The following UNC80 variants were observed in gnomAD, a reference collection of about 807,000 sequenced individuals.
UNC80 encodes the protein unc-80 subunit of NALCN channel complex, also known as protein unc-80 homolog.
In UNC80, 164 loss-of-function variants were observed where a neutral mutation model predicts 384.6. The ratio of observed to expected loss-of-function variants is 0.43; its 90% CI spans 0.38 to 0.49. The LOEUF (loss-of-function observed/expected upper bound fraction) is 0.49, where lower values mean the gene tolerates loss of function less well. Among genes scored for constraint, UNC80 ranks in the 20% least tolerant of loss-of-function variants. UNC80 has a pLI of 0.00. For missense variants in UNC80, 3,330 were observed against 4,143.0 expected, an observed-to-expected ratio of 0.80 and a Z score of 5.39; for synonymous variants, 1,486 against 1,527.8, an observed-to-expected ratio of 0.97 and a Z score of 0.64.
intron 49 of UNC80, 57 bp downstream of exon 49, chr2:209,957,793 C>A: frequency 6.7e-7 from 1 of 1,500,158 alleles, no homozygotes; most frequent in Non-Finnish European, 9.1e-7. Context: ...ACCCGAATGT[C>A]AGCTGTTGAG....
In UNC80 at chr2:209,941,366, C is replaced by A. The variant is rs2091620553; in HGVS notation, c.6792C>A (p.Ile2264=). ...TCAACGTTTTTAACGGGGCTCTGAT[C>A]CTCCACCCGGAAGACAGTGCCCTGC... ...LFLNVFNGAL[I]LHPEDSALLR... Residue 2264 remains isoleucine (I), a synonymous_variant, in exon 44 of 65, where the codon ATC becomes ATA. Transcript: ENST00000673920. 3 of 1,551,296 alleles carry A rather than the reference C, an allele frequency of 1.9e-6. No homozygotes were observed. Among genetic ancestry groups the A allele is most frequent in the African/African-American group, 2.7e-5 (2 of 73,130 alleles).
chr2:209,957,972 T>C (rs777252047), intron 49 of UNC80, among the ~76,000 whole-genome samples: 2 of 152,178 alleles, frequency 1.3e-5, no homozygotes, highest in African/African-American at 2.4e-5. Flanking sequence ...TTTGTTTGCT[T>C]GAGCATTCTA....
chr2:209,921,786 C>T, intron 34 of UNC80, 100 bp downstream of exon 34: 3 of 1,280,372 alleles, frequency 2.3e-6, no homozygotes, highest in Non-Finnish European at 3.2e-6. Flanking sequence ...AGGTGATATG[C>T]CCCCTTCCAT....
chr2:209,937,840 G>T (rs1193630336), intron 42 of UNC80, among the ~76,000 whole-genome samples: 1 of 152,114 alleles, frequency 6.6e-6, no homozygotes, highest in Non-Finnish European at 1.5e-5. Flanking sequence ...CACTCACTTG[G>T]AGTAGTGTAA....
At chr2:209,899,365 C>A (rs1384848107) in intron 28 of UNC80, among the ~76,000 whole-genome samples, 1 of 152,138 alleles carries the variant, frequency 6.6e-6, no homozygotes, top group Non-Finnish European at 1.5e-5. Context: ...GTGTACCACT[C>A]TGAGGCAAGG....
At position 209,817,086 on chromosome 2, in the gene UNC80, C is replaced by A. The variant is rs767633598; in HGVS notation, c.1513C>A (p.Arg505=). ...TTTCTCTGGGCTGGGAGAAGACAGG[C>A]GAGGAATTGAGAAAGGAGGCTGGCA... ...GSFSGLGEDR[R]GIEKGGWQTT... is the part of the protein sequence containing the mutation. The change falls in exon 10 of 65, where the codon CGA becomes AGA. Residue 505 remains arginine (R), a synonymous_variant. Transcript: ENST00000673920. 1.3e-5 allele frequency: 20 copies of A among 1,551,644 alleles called. No homozygotes were observed. Among genetic ancestry groups the A allele is most frequent in the Non-Finnish European group, 1.7e-5 (19 of 1,147,006 alleles).
At chr2:209,968,706 A>G (rs1400059017) in intron 52 of UNC80, 2 of 152,326 alleles carry the variant, frequency 1.3e-5, no homozygotes, top group Admixed American at 6.5e-5. Context: ...AAAGATTTAT[A>G]ACTGTCTCAC....
rs144552287 is a variant in UNC80, at chr2:209,996,878, G to A, written c.*1283G>A. On this transcript the variant is annotated 3_prime_UTR_variant, in exon 65 of 65. Transcript: ENST00000673920. ...CTCATATACATACTTAAATTGGTACGGTGGTGTATGTGTGCGTGCGTGTGT... is the reference window on the plus strand; with the variant it reads ...CTCATATACATACTTAAATTGGTACAGTGGTGTATGTGTGCGTGCGTGTGT... 2.0e-5 allele frequency: 3 copies of A among 152,148 alleles called. No individual in the cohort carries two copies. The highest frequency in any genetic ancestry group is 4.8e-5 in the African/African-American group (2 of 41,520). 9.4% of individuals were successfully genotyped at this position (152,148 alleles called of 1,614,324 possible). A position where few individuals can be genotyped will look rare whatever the true frequency, so the allele number is the denominator to read the frequency against.
At chr2:209,932,732 A>G (rs1428178295) in intron 38 of UNC80, among the ~76,000 whole-genome samples, 4 of 152,176 alleles carry the variant, frequency 2.6e-5, no homozygotes, top group Non-Finnish European at 5.9e-5. Context: ...GGAAGACCCA[A>G]CCCATCATCC....
intron 3 of UNC80, 142 bp from the exon 4 acceptor site, chr2:209,777,116 C>A: frequency 1.0e-6 from 1 of 975,806 alleles, no homozygotes; most frequent in Non-Finnish European, 1.5e-6. Context: ...TAGGGAAGTC[C>A]AAAAAGCAAG....
intron 59 of UNC80, 41 bp downstream of exon 59, chr2:209,978,749 G>A: frequency 6.9e-7 from 1 of 1,454,536 alleles, no homozygotes. Context: ...ACATGGCCTG[G>A]CCATACGAGC....
chr2:209,972,372 C>A, intron 55 of UNC80, 48 bp downstream of exon 55: 1 of 1,539,448 alleles, frequency 6.5e-7, no homozygotes, highest in South Asian at 1.2e-5. Context: ...GTTGTGTTCT[C>A]TTAAATGTCA....
Position 209,997,879 on chromosome 2 carries a change from A to C in UNC80, c.*2284A>C, listed in dbSNP as rs1172785926. ...TGTAATGGCTAAAGTATCTATATGT[A>C]TGTGCATAAAACTGTCACAAGATGT... is the stretch of plus-strand genomic sequence containing the variant. On this transcript the variant is annotated 3_prime_UTR_variant, in exon 65 of 65. Coordinates refer to ENST00000673920, the MANE Select transcript of UNC80 (RefSeq NM_001371986.1). 1 of 152,132 alleles carries C rather than the reference A, an allele frequency of 6.6e-6. No homozygotes were observed. Among genetic ancestry groups the C allele is most frequent in the East Asian group, 1.9e-4 (1 of 5,198 alleles). 9.4% of individuals were successfully genotyped at this position (152,132 alleles called of 1,614,324 possible).
At chr2:209,812,901 T>C (rs1365051613) in intron 7 of UNC80, among the ~76,000 whole-genome samples, 3 of 152,208 alleles carry the variant, frequency 2.0e-5, no homozygotes, top group Admixed American at 2.0e-4. Flanking sequence ...AATTGAATAA[T>C]AGAATCCCAG....
chr2:209,950,189 T>C (rs1009127879), intron 47 of UNC80, among the ~76,000 whole-genome samples: 1 of 152,188 alleles, frequency 6.6e-6, no homozygotes, highest in Non-Finnish European at 1.5e-5. Context: ...AAACTGTAAG[T>C]AATGTGGTTT....
At chr2:209,810,038 A>C (rs2079219045) in intron 7 of UNC80, among the ~76,000 whole-genome samples, 1 of 152,266 alleles carries the variant, frequency 6.6e-6, no homozygotes, top group South Asian at 2.1e-4. Context: ...ACTATGCAAT[A>C]ATCCACCCCC....
chr2:209,914,056 A>G (rs1249094686), intron 31 of UNC80, 116 bp downstream of exon 31: 6 of 1,266,978 alleles, frequency 4.7e-6, no homozygotes, highest in East Asian at 2.6e-5. Flanking sequence ...GTTAATGGCA[A>G]TTGCTATAAC....
Position 209,872,986 on chromosome 2 carries a change from T to A in UNC80, c.3840+16T>A. The A allele has an allele frequency of 6.4e-7, 1 of 1,550,598 alleles. No individual in the cohort carries two copies. The highest frequency in any genetic ancestry group is 8.7e-7 in the Non-Finnish European group (1 of 1,146,012). On this transcript the variant is annotated intron_variant, in intron 23 of 64. Transcript: ENST00000673920. The surrounding 1 kb of genome is among the most constrained non-coding windows in gnomAD (Gnocchi z 4.1). ...ATGGGGAGACGTGAGCTTTCGGTTT[T>A]CTTCTATAACAATTAGGTTGCTTAA...
At chr2:209,871,128 A>G (rs1377776098) in intron 22 of UNC80, among the ~76,000 whole-genome samples, 1 of 152,166 alleles carries the variant, frequency 6.6e-6, no homozygotes, top group Non-Finnish European at 1.5e-5. Context: ...ATATGTTTAT[A>G]TATTTATGTT....
Sources: allele counts gnomAD v4.1 joint callset (sites outside exome capture counted in the v4.1 genomes callset), GRCh38; gene constraint gnomAD v4.1.1; non-coding constraint Gnocchi (gnomAD v3.1); transcripts MANE v1.5; gene names NCBI Gene and HGNC (gene_info 2026-07-23, HGNC 2026-07-21).